The following HAO2 variants were observed in gnomAD, a reference collection of about 807,000 sequenced individuals.
HAO2 encodes hydroxyacid oxidase 2, also known as 2-Hydroxyacid oxidase 2.
A neutral mutation model predicts 37.4 loss-of-function variants in HAO2; 42 were observed. That is an observed-to-expected ratio of 1.12 (90% CI 0.88 to 1.45). The LOEUF is 1.45. Among genes scored for constraint, HAO2 ranks in the 40% most tolerant of loss-of-function variants. The probability of loss-of-function intolerance (pLI) is 0.00; values close to 1 mark genes in which losing one functional copy is unlikely to be tolerated. For missense variants in HAO2, 476 were observed against 430.2 expected (o/e 1.11, Z -0.94); for synonymous variants, 180 against 162.8 (o/e 1.11, Z -0.81).
At chr1:119,375,915 T>C (rs1010371184) in intron 1 of HAO2, among the ~76,000 whole-genome samples, 1 of 152,040 alleles carries the variant, frequency 6.6e-6, no homozygotes, top group Non-Finnish European at 1.5e-5. Context: ...CTATGACATG[T>C]GGGGATTATG....
intron 1 of HAO2, among the ~76,000 whole-genome samples, chr1:119,379,083 G>T (rs1013687539): frequency 6.6e-6 from 1 of 152,168 alleles, no homozygotes; most frequent in Non-Finnish European, 1.5e-5. Flanking sequence ...GAAACCAGGG[G>T]TAAGCTTCCA....
chr1:119,383,957 T>TG (rs1570777316), intron 3 of HAO2, among the ~76,000 whole-genome samples: 1 of 152,142 alleles, frequency 6.6e-6, no homozygotes, highest in East Asian at 1.9e-4. Context: ...ATGTGTTGTT[T>TG]GGGGGTAGGA....
intron 1 of HAO2, among the ~76,000 whole-genome samples, chr1:119,376,061 C>T (rs1649432686): frequency 6.6e-6 from 1 of 152,162 alleles, no homozygotes; most frequent in Non-Finnish European, 1.5e-5. Flanking sequence ...AAAGTCATAA[C>T]TAATTTCAGC....
At chr1:119,376,486 C>T (rs1041936947) in intron 1 of HAO2, among the ~76,000 whole-genome samples, 1 of 152,088 alleles carries the variant, frequency 6.6e-6, no homozygotes, top group Non-Finnish European at 1.5e-5. Context: ...AGTGGATCTA[C>T]CATTCTGGAG....
chr1:119,377,593 TCA>T (rs1391796558), intron 1 of HAO2, among the ~76,000 whole-genome samples: 1 of 152,214 alleles, frequency 6.6e-6, no homozygotes. Context: ...TAGTCCATTT[TCA>T]TACTGTAAAA....
intron 5 of HAO2, among the ~76,000 whole-genome samples, chr1:119,389,148 A>ATATATATATATATATATATATATATGTG (rs1650639203): frequency 1.6e-5 from 1 of 63,768 alleles, no homozygotes; most frequent in East Asian, 6.7e-4. Flanking sequence ...ATATATATAT[A>ATATATATATATATATATATATATATGTG]TATATATATA....
At position 119,392,140 on chromosome 1, in the gene HAO2, G is replaced by C; in HGVS notation, c.802G>C (p.Val268Leu). ...IDALTEVVAA[V>L]KGKIEVYLDG... Reference sequence around the variant, plus strand: ...TGCTTTGACAGAAGTGGTGGCTGCTGTAAAGGGGAAAATTGAAGTCTACCT... The same window carrying C: ...TGCTTTGACAGAAGTGGTGGCTGCTCTAAAGGGGAAAATTGAAGTCTACCT... The change falls in exon 6 of 8, where the codon GTA becomes CTA. Residue 268 changes from valine (V) to leucine (L), a missense_variant. Coordinates refer to ENST00000325945, the MANE Select transcript of HAO2 (RefSeq NM_016527.4). 6.2e-7 allele frequency: 1 copy of C among 1,613,248 alleles called. No homozygotes were observed. Among genetic ancestry groups the C allele is most frequent in the Non-Finnish European group, 8.5e-7 (1 of 1,179,478 alleles).
At chr1:119,373,394 A>G (rs1309657369) in intron 1 of HAO2, among the ~76,000 whole-genome samples, 2 of 152,172 alleles carry the variant, frequency 1.3e-5, no homozygotes, top group East Asian at 3.8e-4. Flanking sequence ...CGTATTTCAG[A>G]AAGAACCCTA....
chr1:119,393,799 G>T lies in HAO2; in HGVS notation c.1015G>T (p.Ala339Ser). Residue 339 changes from alanine to serine, a missense_variant, in exon 8 of 8, where the codon GCT becomes TCT. Coordinates refer to ENST00000325945, the MANE Select transcript of HAO2 (RefSeq NM_016527.4). ...TGTTCTTTTAGGCTGCCGGTCGGTC[G>T]CTGAGATCAATCGAAACTTGGTCCA... is the stretch of plus-strand genomic sequence containing the variant. ...SMALTGCRSVAEINRNLVQFS... is the reference protein window; with the variant it reads ...SMALTGCRSVSEINRNLVQFS... The T allele has an allele frequency of 6.2e-7, 1 of 1,613,082 alleles. No individual in the cohort carries two copies. Among genetic ancestry groups the T allele is most frequent in the Non-Finnish European group, 8.5e-7 (1 of 1,179,286 alleles).
chr1:119,387,913 C>T (rs895798319), intron 5 of HAO2, among the ~76,000 whole-genome samples: 2 of 152,150 alleles, frequency 1.3e-5, no homozygotes, highest in Non-Finnish European at 2.9e-5. Context: ...TTCCAAGACA[C>T]GTGATGCTTG....
At chr1:119,376,704 C>A (rs1287450634) in intron 1 of HAO2, among the ~76,000 whole-genome samples, 3 of 152,258 alleles carry the variant, frequency 2.0e-5, no homozygotes, top group Non-Finnish European at 2.9e-5. Context: ...TCCCAAATCT[C>A]AGTTCTTATC....
chr1:119,378,396 T>C (rs999704646), intron 1 of HAO2, among the ~76,000 whole-genome samples: 1 of 152,146 alleles, frequency 6.6e-6, no homozygotes, highest in Admixed American at 6.5e-5. Flanking sequence ...CAAGAAGATA[T>C]TTGGGTGGGG....
Position 119,389,150 on chromosome 1 carries a change from A to ATGTG in HAO2, c.771+2320_771+2321insGTGT, listed in dbSNP as rs201899231. Among the ~76,000 whole-genome samples, 3 of 72,210 alleles carry ATGTG rather than the reference A, an allele frequency of 4.2e-5. 1 individual carries two copies. The highest frequency in any genetic ancestry group is 8.7e-4 in the South Asian group (2 of 2,300). The allele number at this position is 72,210 out of a possible 152,430, so 47.4% of individuals were successfully genotyped here. A position where few individuals can be genotyped will look rare whatever the true frequency, so the allele number is the denominator to read the frequency against. ...GTAGTATTTCATCATATATATATAT[A>ATGTG]TATATATATATATATATACACCACA... On this transcript the variant is annotated intron_variant, in intron 5 of 7. Transcript: ENST00000325945.
At chr1:119,388,660 C>T (rs1650580903) in intron 5 of HAO2, among the ~76,000 whole-genome samples, 1 of 152,184 alleles carries the variant, frequency 6.6e-6, no homozygotes, top group African/African-American at 2.4e-5. Flanking sequence ...CTTGCCTCAC[C>T]TTAATCCTAG....
chr1:119,393,855 T>G lies in HAO2; in HGVS notation c.*15T>G. ...CCAGGCTGTAAGAAAAAAGGGCCAA[T>G]AACCAGACTGCTGAGGTTGCCCACA... On this transcript the variant is annotated 3_prime_UTR_variant, in exon 8 of 8. Transcript: ENST00000325945. The G allele has an allele frequency of 6.2e-7, 1 of 1,612,472 alleles. No individual in the cohort carries two copies. The highest frequency in any genetic ancestry group is 8.5e-7 in the Non-Finnish European group (1 of 1,178,780).
intron 1 of HAO2, chr1:119,380,458 A>G (rs587599348): frequency 3.1e-5 from 14 of 457,288 alleles, no homozygotes; most frequent in East Asian, 2.1e-4. Context: ...GCCAAGAATT[A>G]CAAAGTAAAC....
intron 5 of HAO2, among the ~76,000 whole-genome samples, chr1:119,390,495 C>T (rs866755877): frequency 2.0e-5 from 3 of 152,160 alleles, no homozygotes; most frequent in South Asian, 2.1e-4. Flanking sequence ...GTGGTTCACC[C>T]GCCTCAGCCT....
Position 119,394,060 on chromosome 1 carries a change from A to G in HAO2, c.*220A>G. The G allele has an allele frequency of 7.4e-7, 1 of 1,348,424 alleles. No individual in the cohort carries two copies. Among genetic ancestry groups the G allele is most frequent in the Non-Finnish European group, 9.6e-7 (1 of 1,043,156 alleles). 83.5% of individuals were successfully genotyped at this position (1,348,424 alleles called of 1,614,324 possible). A position where few individuals can be genotyped will look rare whatever the true frequency, so the allele number is the denominator to read the frequency against. On this transcript the variant is annotated 3_prime_UTR_variant, in exon 8 of 8. Coordinates refer to ENST00000325945, the MANE Select transcript of HAO2 (RefSeq NM_016527.4). Reference sequence around the variant, plus strand: ...CCTTCTTTGTATCACTGACTATTATATGTTGCTCTCTTGCCTAAATCTTCC... The same window carrying G: ...CCTTCTTTGTATCACTGACTATTATGTGTTGCTCTCTTGCCTAAATCTTCC...
At chr1:119,376,119 G>T (rs1336318981) in intron 1 of HAO2, among the ~76,000 whole-genome samples, 1 of 152,138 alleles carries the variant, frequency 6.6e-6, no homozygotes, top group Non-Finnish European at 1.5e-5. Flanking sequence ...GACAAGGCAA[G>T]TCCCTTCTAC....
Sources: gnomAD v4.1 joint callset for allele counts (sites outside exome capture counted in the v4.1 genomes callset) on GRCh38, gnomAD v4.1.1 for gene constraint, MANE v1.5 for transcripts, NCBI Gene and HGNC (gene_info 2026-07-23, HGNC 2026-07-21) for gene names.